The following CFAP47 variants were observed in gnomAD, a reference collection of about 807,000 sequenced individuals.
CFAP47 encodes the protein cilia- and flagella-associated protein 47.
In CFAP47, 29 loss-of-function variants were observed where a neutral mutation model predicts 148.1. The observed-to-expected ratio is 0.20, with a 90% CI of 0.15 to 0.27. CFAP47 has a LOEUF of 0.27. Among genes scored for constraint, CFAP47 ranks in the 10% least tolerant of loss-of-function variants. The pLI is 1.00. For synonymous variants in CFAP47, 664 were observed against 577.3 expected, an observed-to-expected ratio of 1.15 and a Z score of -2.15; for missense variants, 1,872 against 1,697.5, an observed-to-expected ratio of 1.10 and a Z score of -1.81.
At chrX:36,023,283 A>G (rs1353278340) in intron 22 of CFAP47, among the ~76,000 whole-genome samples, 2 of 112,147 alleles carry the variant, frequency 1.8e-5, no homozygotes, top group Non-Finnish European at 3.8e-5. Context: ...CAGAGACTTG[A>G]TCTTTTCATT....
chrX:36,382,408 C>A (rs1189975469), intron 63 of CFAP47, among the ~76,000 whole-genome samples: 1 of 111,195 alleles, frequency 9.0e-6, no homozygotes, highest in African/African-American at 3.3e-5. Context: ...CAATCTTGAG[C>A]CAAAGAGGTA....
chrX:36,326,774 G>A (rs1782293428), intron 57 of CFAP47, among the ~76,000 whole-genome samples: 2 of 110,980 alleles, frequency 1.8e-5, no homozygotes, highest in African/African-American at 3.3e-5. Flanking sequence ...ACAAAGAGAT[G>A]GTTTGGAATT....
At chrX:36,329,783 A>G (rs781994620) in intron 57 of CFAP47, among the ~76,000 whole-genome samples, 1 of 111,357 alleles carries the variant, frequency 9.0e-6, no homozygotes, top group South Asian at 3.8e-4. Context: ...TTGCTACTTT[A>G]CAAAAAGCAG....
chrX:36,211,482 G>A (rs1940099838), intron 45 of CFAP47: 2 of 287,446 alleles, frequency 7.0e-6, no homozygotes, highest in Non-Finnish European at 1.3e-5. Context: ...GTCCACTAGT[G>A]ATATTGTAAA....
At chrX:36,127,599 A>G (rs1488020767) in intron 33 of CFAP47, among the ~76,000 whole-genome samples, 1 of 111,157 alleles carries the variant, frequency 9.0e-6, no homozygotes, top group East Asian at 2.8e-4. Context: ...TTCCATATGA[A>G]GTTTAAAGTA....
At chrX:35,935,984 T>A (rs757637337) in intron 2 of CFAP47, among the ~76,000 whole-genome samples, 13 of 111,914 alleles carry the variant, frequency 1.2e-4, no homozygotes, top group Non-Finnish European at 2.1e-4. Flanking sequence ...TGCCTTTACA[T>A]GATTTTCTTT....
chrX:35,956,122 A>C lies in CFAP47; in HGVS notation c.1336A>C (p.Thr446Pro). The C allele has an allele frequency of 8.3e-7, 1 of 1,211,577 alleles. No individual in the cohort carries two copies. Among genetic ancestry groups the C allele is most frequent in the Non-Finnish European group, 1.1e-6 (1 of 895,356 alleles). The change falls in exon 8 of 64, where the codon ACG (threonine) becomes CCG (proline). Residue 446 changes from threonine (T) to proline (P), a missense_variant. By Grantham distance (38) the Thr-to-Pro change is conservative. Coordinates refer to ENST00000378653, the MANE Select transcript of CFAP47 (RefSeq NM_001304548.2). ...IKNQCELLPV[T>P]YHFKKTANFE... ...AAATCAATGCGAATTACTTCCTGTGACGTACCACTTTAAAAAAACTGCAAA... is the reference window on the plus strand; with the variant it reads ...AAATCAATGCGAATTACTTCCTGTGCCGTACCACTTTAAAAAAACTGCAAA...
chrX:36,334,088 ATAC>A (rs1283007459), intron 57 of CFAP47, among the ~76,000 whole-genome samples: 2 of 111,792 alleles, frequency 1.8e-5, no homozygotes, highest in African/African-American at 6.5e-5. Context: ...TCTTGCAATC[ATAC>A]TACATTTCCT....
At chrX:35,930,032 CAG>C (rs202091175) in intron 2 of CFAP47, among the ~76,000 whole-genome samples, 1,166 of 110,933 alleles carry the variant, frequency 0.011, 19 homozygotes, top group African/African-American at 0.035. Context: ...CAAAAAAAAA[CAG>C]TGAGACATCC....
At chrX:36,255,706 T>G (rs983382928) in intron 49 of CFAP47, among the ~76,000 whole-genome samples, 3 of 111,309 alleles carry the variant, frequency 2.7e-5, no homozygotes, top group Non-Finnish European at 5.7e-5. Context: ...TTGATGAAAA[T>G]TGAATATGAA....
At chrX:36,151,573 T>C (rs1364828814) in intron 37 of CFAP47, among the ~76,000 whole-genome samples, 1 of 111,557 alleles carries the variant, frequency 9.0e-6, no homozygotes, top group Non-Finnish European at 1.9e-5. Context: ...TGTTCCCTGC[T>C]ATTAAATGCC....
intron 40 of CFAP47, among the ~76,000 whole-genome samples, chrX:36,180,683 T>G (rs893922015): frequency 1.8e-5 from 2 of 112,464 alleles, no homozygotes; most frequent in Non-Finnish European, 3.8e-5. Flanking sequence ...TATTATGAGA[T>G]GTTTGATTCC....
intron 39 of CFAP47, among the ~76,000 whole-genome samples, chrX:36,173,576 G>A (rs1248156046): frequency 9.0e-6 from 1 of 111,690 alleles, no homozygotes; most frequent in Admixed American, 9.5e-5. Flanking sequence ...TCATTCAGGA[G>A]CAGGTTGTTC....
At chrX:36,208,546 C>T (rs1940064222) in intron 45 of CFAP47, among the ~76,000 whole-genome samples, 1 of 111,370 alleles carries the variant, frequency 9.0e-6, no homozygotes, top group Non-Finnish European at 1.9e-5. Context: ...AGTTCAAATA[C>T]GTGTTGTTCA....
intron 48 of CFAP47, among the ~76,000 whole-genome samples, chrX:36,237,318 TG>T (rs1372946679): frequency 2.7e-5 from 3 of 112,006 alleles, no homozygotes; most frequent in African/African-American, 9.7e-5. Context: ...ATTTATTTTT[TG>T]TTTTAGGTTT....
rs1360395942 is a variant in CFAP47 at position 36,047,072 on chromosome X, T to C, written c.4217+9T>C. On this transcript the variant is annotated intron_variant, in intron 26 of 63. Transcript: ENST00000378653. ...GATGACAGAAAAAACTGGTAAGATATCTAAATGTACATTATTTTGTATCTG... is the reference window on the plus strand; with the variant it reads ...GATGACAGAAAAAACTGGTAAGATACCTAAATGTACATTATTTTGTATCTG... 1.5e-5 allele frequency: 16 copies of C among 1,035,379 alleles called. No individual in the cohort carries two copies. In the East Asian group the frequency reaches 5.3e-4, roughly 34 times the overall value. The allele number at this position is 1,035,379 out of a possible 1,213,427, so 85.3% of individuals were successfully genotyped here.
At chrX:36,060,782 A>T (rs1007642692) in intron 26 of CFAP47, among the ~76,000 whole-genome samples, 4 of 111,569 alleles carry the variant, frequency 3.6e-5, no homozygotes, top group African/African-American at 1.3e-4. Context: ...TTTATAAATA[A>T]CAATTTCTTG....
intron 1 of CFAP47, among the ~76,000 whole-genome samples, chrX:35,924,449 A>G (rs1301972854): frequency 9.5e-6 from 1 of 104,961 alleles, no homozygotes; most frequent in Non-Finnish European, 2.0e-5. Flanking sequence ...GTACACCTAT[A>G]TGTGTATATA....
At chrX:35,977,257 TTTAAC>T (rs1936584365) in intron 15 of CFAP47, among the ~76,000 whole-genome samples, 1 of 111,770 alleles carries the variant, frequency 8.9e-6, no homozygotes, top group Non-Finnish European at 1.9e-5. Flanking sequence ...CACTAGCTAT[TTTAAC>T]TTAAGCAAAG....
Sources: gnomAD v4.1 joint callset for allele counts (sites outside exome capture counted in the v4.1 genomes callset) on GRCh38, gnomAD v4.1.1 for gene constraint, MANE v1.5 for transcripts, NCBI Gene and HGNC (gene_info 2026-07-23, HGNC 2026-07-21) for gene names.